Variants in LRRFIP2 observed in about 807,000 individuals in gnomAD.
LRRFIP2 encodes leucine-rich repeat flightless-interacting protein 2.
In LRRFIP2, 109 loss-of-function variants were observed where a neutral mutation model predicts 125.9. The ratio of observed to expected loss-of-function variants is 0.87; its 90% confidence interval spans 0.74 to 1.01. The LOEUF (loss-of-function observed/expected upper bound fraction) is 1.01, where lower values mean the gene tolerates loss of function less well. Among genes scored for constraint, LRRFIP2 ranks in the 50% least tolerant of loss-of-function variants. The probability of loss-of-function intolerance (pLI) is 0.00; values close to 1 mark genes in which losing one functional copy is unlikely to be tolerated. For missense variants in LRRFIP2, 850 were observed against 862.3 expected (o/e 0.99, Z 0.18); for synonymous variants, 291 against 293.1 (o/e 0.99, Z 0.07).
In LRRFIP2 at chr3:37,111,001, T is replaced by G. The variant is rs774622444; in HGVS notation, c.503A>C (p.Tyr168Ser). The change falls in exon 9 of 28, where the codon TAC becomes TCC. Residue 168 changes from tyrosine to serine, a missense_variant. Tyr to Ser is a moderately radical substitution (Grantham distance 144, BLOSUM62 -2). Transcript: ENST00000336686. ...AAAGTTTAGACAAACCCGAGTGTAG[T>G]AGGCAGAGGTGGGTTTGCTATGTCT... ...SLRHSKPTSA[Y>S]YTRQSSSLYS... 3.1e-6 allele frequency: 5 copies of G among 1,613,564 alleles called. No individual in the cohort carries two copies. The highest frequency in any genetic ancestry group is 1.7e-5 in the Admixed American group (1 of 59,960).
intron 15 of LRRFIP2, among the ~76,000 whole-genome samples, chr3:37,098,185 G>A (rs1025651596): frequency 4.0e-5 from 6 of 151,698 alleles, no homozygotes; most frequent in African/African-American, 1.2e-4. Flanking sequence ...ACTTCTTGCT[G>A]TAAAAACTCT....
At chr3:37,115,131 C>G (rs771826275) in intron 6 of LRRFIP2, 36 bp from the exon 7 acceptor site, 1 of 1,481,326 alleles carries the variant, frequency 6.8e-7, no homozygotes, top group Non-Finnish European at 9.3e-7. Context: ...TGGTTTGTTT[C>G]CAAATTCAGA....
intron 4 of LRRFIP2, 118 bp downstream of exon 4, chr3:37,127,512 T>C (rs2095314385): frequency 1.0e-6 from 1 of 980,846 alleles, no homozygotes; most frequent in Non-Finnish European, 1.6e-6. Flanking sequence ...CACTCTGACC[T>C]TTAGGTTCAC....
chr3:37,100,710 CAG>C (rs2149304445), intron 15 of LRRFIP2, among the ~76,000 whole-genome samples: 1 of 152,140 alleles, frequency 6.6e-6, no homozygotes, highest in East Asian at 1.9e-4. Flanking sequence ...AAGAGGCTGA[CAG>C]AATTCAGTTT....
At chr3:37,077,897 A>C (rs1456833074) in intron 19 of LRRFIP2, among the ~76,000 whole-genome samples, 1 of 152,190 alleles carries the variant, frequency 6.6e-6, no homozygotes, top group Non-Finnish European at 1.5e-5. Flanking sequence ...AAACCAGTCA[A>C]GAAAAGATAT....
At chr3:37,110,430 A>C (rs1237567125) in intron 9 of LRRFIP2, among the ~76,000 whole-genome samples, 1 of 152,212 alleles carries the variant, frequency 6.6e-6, no homozygotes, top group African/African-American at 2.4e-5. Context: ...AATTATTTTA[A>C]ATGTACTGTG....
In LRRFIP2 at chr3:37,065,892, A is replaced by G; in HGVS notation, c.1617T>C (p.Ser539=). ...IPDGTPNGDV[S]HEPVAGAITV... is the part of the protein sequence containing the mutation. ...TGATGGCTCCAGCCACTGGTTCATG[A>G]CTGACATCACCATTGGGAGTGCCAT... The change falls in exon 23 of 28, where the codon AGT becomes AGC. Residue 539 remains serine (S), a synonymous_variant. Coordinates refer to ENST00000336686, the MANE Select transcript of LRRFIP2 (RefSeq NM_006309.4). 2 of 1,614,164 alleles carry G rather than the reference A, an allele frequency of 1.2e-6. No individual in the cohort carries two copies. The highest frequency in any genetic ancestry group is 8.5e-7 in the Non-Finnish European group (1 of 1,179,992).
chr3:37,131,311 G>A (rs2095422438), intron 2 of LRRFIP2, among the ~76,000 whole-genome samples: 1 of 152,098 alleles, frequency 6.6e-6, no homozygotes. Flanking sequence ...CTTCTATGAA[G>A]ATTCTCCCCA....
At chr3:37,075,503 A>C (rs928271793) in intron 19 of LRRFIP2, among the ~76,000 whole-genome samples, 1 of 152,188 alleles carries the variant, frequency 6.6e-6, no homozygotes, top group Non-Finnish European at 1.5e-5. Context: ...TACAAAATAT[A>C]TCAAAAACCT....
At chr3:37,154,259 T>C (rs1260921074) in intron 1 of LRRFIP2, among the ~76,000 whole-genome samples, 3 of 152,202 alleles carry the variant, frequency 2.0e-5, no homozygotes, top group Non-Finnish European at 2.9e-5. Flanking sequence ...TCATTCTGTA[T>C]CAGTGATGGA....
Position 37,125,078 on chromosome 3 carries a change from T to C in LRRFIP2, c.228+2552A>G, listed in dbSNP as rs138970960. On this transcript the variant is annotated intron_variant, in intron 4 of 27. Transcript: ENST00000336686. The stretch of plus-strand genomic sequence containing the variant: ...AAAAAAGACATGTATTTGTTCAAAA[T>C]GCTGTTTTGATACATTTAATGAAAA... Among the ~76,000 whole-genome samples, 25 of 152,186 alleles carry C rather than the reference T, an allele frequency of 1.6e-4. No homozygotes were observed. The East Asian group carries it at 4.8e-3, about 29-fold the overall frequency.
intron 19 of LRRFIP2, among the ~76,000 whole-genome samples, chr3:37,076,244 C>T (rs1406023228): frequency 6.6e-6 from 1 of 152,172 alleles, no homozygotes; most frequent in East Asian, 1.9e-4. Flanking sequence ...AAATTTTGGG[C>T]TGGGCATGGT....
intron 15 of LRRFIP2, among the ~76,000 whole-genome samples, chr3:37,101,282 G>A (rs1030442535): frequency 4.6e-5 from 7 of 151,770 alleles, no homozygotes; most frequent in South Asian, 2.1e-4. Flanking sequence ...ACTTGAACTC[G>A]GAGGGTGGGG....
At chr3:37,158,674 T>C (rs1417952346) in intron 1 of LRRFIP2, among the ~76,000 whole-genome samples, 1 of 149,260 alleles carries the variant, frequency 6.7e-6, no homozygotes, top group Non-Finnish European at 1.5e-5. Context: ...AAGAACAATA[T>C]AAGCCTAGGT....
Position 37,075,150 on chromosome 3 carries a change from T to A in LRRFIP2, c.1279-34A>T, listed in dbSNP as rs763528528. 9.6e-5 allele frequency: 141 copies of A among 1,461,310 alleles called. 1 individual carries two copies. In the Middle Eastern group the frequency reaches 2.6e-3, roughly 27 times the overall value. 90.5% of individuals were successfully genotyped at this position (1,461,310 alleles called of 1,614,324 possible). On this transcript the variant is annotated intron_variant, in intron 19 of 27. Transcript: ENST00000336686. ...AAACAAATAATATCATTTACACAGG[T>A]CATGGCACACAAGAAATTTGAACAT...
chr3:37,174,619 A>AG (rs2096631526), upstream of LRRFIP2: 1 of 152,166 alleles, frequency 6.6e-6, no homozygotes, highest in Non-Finnish European at 1.5e-5. Flanking sequence ...GCAAAAAAAA[A>AG]AGGGGGGGAA....
At chr3:37,082,413 G>A (rs888590829) in intron 19 of LRRFIP2, among the ~76,000 whole-genome samples, 1 of 152,088 alleles carries the variant, frequency 6.6e-6, no homozygotes, top group Non-Finnish European at 1.5e-5. Flanking sequence ...TTAAAGTACA[G>A]AGAGTTTTCA....
intron 1 of LRRFIP2, among the ~76,000 whole-genome samples, chr3:37,159,535 G>A (rs994711482): frequency 6.6e-6 from 1 of 151,846 alleles, no homozygotes; most frequent in African/African-American, 2.4e-5. Context: ...TTTTGACAGA[G>A]TCTCGCTGCT....
intron 15 of LRRFIP2, among the ~76,000 whole-genome samples, chr3:37,100,464 A>T (rs2093978635): frequency 6.6e-6 from 1 of 152,114 alleles, no homozygotes; most frequent in Non-Finnish European, 1.5e-5. Flanking sequence ...GTGTATACAC[A>T]AATACATATA....
Sources: allele counts gnomAD v4.1 joint callset (sites outside exome capture counted in the v4.1 genomes callset), GRCh38; gene constraint gnomAD v4.1.1; transcripts MANE v1.5; gene names NCBI Gene and HGNC (gene_info 2026-07-23, HGNC 2026-07-21).